CLTB: variants seen among roughly 807,000 people sequenced by gnomAD.
CLTB encodes clathrin, light chain (Lcb).
Under a neutral mutation model 30.5 loss-of-function variants are expected in CLTB, and 10 were observed. That is an observed-to-expected ratio of 0.33 (90% CI 0.20 to 0.56). CLTB has a LOEUF of 0.56. Among genes scored for constraint, CLTB ranks in the 20% least tolerant of loss-of-function variants. The pLI, the probability that CLTB is intolerant of heterozygous loss-of-function variation, is 0.91. For missense variants in CLTB, 261 were observed against 308.3 expected, an observed-to-expected ratio of 0.85 and a Z score of 1.15; for synonymous variants, 102 against 120.3, an observed-to-expected ratio of 0.85 and a Z score of 1.00.
At chr5:176,395,669 C>G (rs1756486971) in intron 5 of CLTB, among the ~76,000 whole-genome samples, 1 of 152,078 alleles carries the variant, frequency 6.6e-6, no homozygotes, top group African/African-American at 2.4e-5. Context: ...CTCATCACAC[C>G]AAGTAGACCC....
At chr5:176,394,637 A>AC (rs1029853336) in intron 5 of CLTB, among the ~76,000 whole-genome samples, 1 of 136,958 alleles carries the variant, frequency 7.3e-6, no homozygotes, top group Non-Finnish European at 1.6e-5. Context: ...ACACGGTGAA[A>AC]CCCCGTCTCT....
intron 3 of CLTB, 41 bp from the exon 4 acceptor site, chr5:176,397,759 G>A: frequency 6.3e-7 from 1 of 1,584,080 alleles, no homozygotes; most frequent in Non-Finnish European, 8.7e-7. Context: ...TTTCCAGCTG[G>A]GATGCACAGG....
In CLTB at chr5:176,392,892, T is replaced by C. The variant is rs756695540; in HGVS notation, c.572A>G (p.Glu191Gly). ...KESKEETPGT[E>G]WEKVAQLCDF... ...ACATAGCTGGGCCACCTTCTCCCAC[T>C]CTGTGCCTGGGGTCTCCTCCTTGGA... The change falls in exon 6 of 6, where the codon GAG (glutamate) becomes GGG (glycine). Residue 191 changes from glutamate to glycine, a missense_variant. This residue lies in a region of CLTB where 123 missense variants were observed against 157.0 expected (regional missense o/e 0.78). Transcript: ENST00000310418. This position sits in a 1 kb window ranked among gnomAD's most constrained non-coding sequence, Gnocchi z 5.2. 1 of 1,614,186 alleles carries C rather than the reference T, an allele frequency of 6.2e-7. No individual in the cohort carries two copies. Among genetic ancestry groups the C allele is most frequent in the African/African-American group, 1.3e-5 (1 of 75,056 alleles).
chr5:176,402,175 G>A (rs1426992739), intron 2 of CLTB, among the ~76,000 whole-genome samples: 9 of 152,110 alleles, frequency 5.9e-5, no homozygotes, highest in African/African-American at 1.9e-4. Flanking sequence ...GGTGGCGGAC[G>A]CCTGTAATCC....
Position 176,397,938 on chromosome 5 carries a change from T to C in CLTB, c.344A>G (p.Gln115Arg). The change falls in exon 3 of 6, where the codon CAA (glutamine) becomes CGA (arginine). Residue 115 changes from glutamine (Q) to arginine (R), a missense_variant. Coordinates refer to ENST00000310418, the MANE Select transcript of CLTB (RefSeq NM_007097.5). ...CTCAGCCCCGCCCTCACCCAGCTCT[T>C]GCAGCCGTTTCCTCTGCTCCTCTCG... ...KWREEQRKRL[Q>R]ELDAASKVTE... 6.2e-7 allele frequency: 1 copy of C among 1,613,784 alleles called. No homozygotes were observed. Among genetic ancestry groups the C allele is most frequent in the Non-Finnish European group, 8.5e-7 (1 of 1,179,972 alleles).
At chr5:176,400,676 T>C (rs1010838365) in intron 2 of CLTB, among the ~76,000 whole-genome samples, 1 of 152,098 alleles carries the variant, frequency 6.6e-6, no homozygotes, top group African/African-American at 2.4e-5. Flanking sequence ...GGCGCTTCTG[T>C]CTCCCCTCCC....
chr5:176,404,786 G>A (rs954910651), intron 2 of CLTB, among the ~76,000 whole-genome samples: 1 of 152,146 alleles, frequency 6.6e-6, no homozygotes, highest in South Asian at 2.1e-4. Context: ...GGTGAACCCC[G>A]GAATGAGTGA....
chr5:176,410,172 G>T, intron 2 of CLTB, 85 bp downstream of exon 2: 1 of 1,172,584 alleles, frequency 8.5e-7, no homozygotes, highest in Non-Finnish European at 1.3e-6. Context: ...AGAACCTGGA[G>T]CTGTAAGCCT....
intron 2 of CLTB, among the ~76,000 whole-genome samples, chr5:176,401,103 C>T (rs1224234321): frequency 6.6e-6 from 1 of 152,154 alleles, no homozygotes; most frequent in Non-Finnish European, 1.5e-5. Flanking sequence ...CCCAGTGGGC[C>T]CTTCTGGGGC....
chr5:176,394,935 A>G (rs1405191570), intron 5 of CLTB, among the ~76,000 whole-genome samples: 1 of 151,996 alleles, frequency 6.6e-6, no homozygotes, highest in Non-Finnish European at 1.5e-5. Flanking sequence ...GGTATTCCAC[A>G]GCACCCATGC....
intron 2 of CLTB, among the ~76,000 whole-genome samples, chr5:176,400,516 A>G (rs1410479423): frequency 6.6e-6 from 1 of 152,154 alleles, no homozygotes; most frequent in Non-Finnish European, 1.5e-5. Flanking sequence ...CAAAGCGCTG[A>G]GCACCGTGAG....
intron 1 of CLTB, among the ~76,000 whole-genome samples, chr5:176,415,146 G>C (rs1028044802): frequency 3.3e-5 from 5 of 152,160 alleles, no homozygotes; most frequent in African/African-American, 1.2e-4. Context: ...AAACATCATT[G>C]ATAAAGATGA....
chr5:176,414,375 C>T (rs1757588365), intron 1 of CLTB, among the ~76,000 whole-genome samples: 2 of 152,050 alleles, frequency 1.3e-5, no homozygotes, highest in Admixed American at 6.6e-5. Context: ...TGGCAAAAGA[C>T]CCCATGCTTC....
At chr5:176,398,451 C>G (rs972648066) in intron 2 of CLTB, among the ~76,000 whole-genome samples, 2 of 152,152 alleles carry the variant, frequency 1.3e-5, no homozygotes, top group African/African-American at 4.8e-5. Context: ...GTGGCTCACA[C>G]CTGTAATCCC....
In CLTB at chr5:176,413,819, C is replaced by A. The variant is rs567491348; in HGVS notation, c.187+2358G>T. On this transcript the variant is annotated intron_variant, in intron 1 of 5. Transcript: ENST00000310418. ...GCCATCCCTCAACACCTCCCTGCTC[C>A]CCGATCCAACTAAGGAGGGCAGCTG... Among the ~76,000 whole-genome samples, 93 of 152,346 alleles carry A rather than the reference C, an allele frequency of 6.1e-4. 1 individual carries two copies. The highest frequency in any genetic ancestry group is 2.2e-3 in the African/African-American group (90 of 41,578).
At position 176,396,492 on chromosome 5, in the gene CLTB, T is replaced by G. The variant is rs1266609839; in HGVS notation, c.505A>C (p.Ile169Leu). The change falls in exon 5 of 6, where the codon ATC becomes CTC. Residue 169 changes from isoleucine to leucine, a missense_variant. By Grantham distance (5) the Ile-to-Leu change is conservative. Transcript: ENST00000310418. The stretch of plus-strand genomic sequence containing the variant: ...ACAGACACGTACACGTAGCCGATGA[T>G]ATCAGCATCTGGCTGCTGGTAGAAT... Reference protein sequence around the residue: ...KAFYQQPDADIIGYVASEEAF... With the variant: ...KAFYQQPDADLIGYVASEEAF... 1.2e-6 allele frequency: 2 copies of G among 1,613,894 alleles called. No homozygotes were observed. Among genetic ancestry groups the G allele is most frequent in the African/African-American group, 1.3e-5 (1 of 75,030 alleles).
chr5:176,394,208 C>T (rs569776371), intron 5 of CLTB, among the ~76,000 whole-genome samples: 22 of 152,302 alleles, frequency 1.4e-4, no homozygotes, highest in Non-Finnish European at 1.2e-4. Context: ...CGGAGCTGTC[C>T]CTTCAGGGTC....
chr5:176,394,500 C>T (rs934215448), intron 5 of CLTB, among the ~76,000 whole-genome samples: 1 of 151,886 alleles, frequency 6.6e-6, no homozygotes, highest in Non-Finnish European at 1.5e-5. Context: ...GGTGAAACCC[C>T]ATCTCTACTA....
At chr5:176,398,146 C>T (rs1350779694) in intron 2 of CLTB, 99 bp from the exon 3 acceptor site, 2 of 983,318 alleles carry the variant, frequency 2.0e-6, no homozygotes, top group Non-Finnish European at 3.2e-6. Flanking sequence ...ATAACTCAGC[C>T]TCAAACAACC....
Sources: allele counts gnomAD v4.1 joint callset (sites outside exome capture counted in the v4.1 genomes callset), GRCh38; gene constraint gnomAD v4.1.1; regional missense constraint gnomAD v4.1.1; non-coding constraint Gnocchi (gnomAD v3.1); transcripts MANE v1.5; gene names NCBI Gene and HGNC (gene_info 2026-07-23, HGNC 2026-07-21).